Variants in GALNT13 observed in about 807,000 individuals in gnomAD.
GALNT13 encodes the protein UDP-GalNAc:polypeptide N-acetylgalactosaminyltransferase 13.
Under a neutral mutation model 64.2 loss-of-function variants are expected in GALNT13, and 28 were observed. That is an observed-to-expected ratio of 0.44 (90% CI 0.32 to 0.60). The LOEUF (loss-of-function observed/expected upper bound fraction) is 0.60, where lower values mean the gene tolerates loss of function less well. GALNT13 is among the 20% of genes least tolerant of loss of function. The pLI is 0.05. For missense variants in GALNT13, 577 were observed against 669.8 expected (o/e 0.86, Z 1.53); for synonymous variants, 214 against 224.6 (o/e 0.95, Z 0.42).
At chr2:153,549,310 A>G in the GALNT13 span, among the ~76,000 whole-genome samples, 3 of 152,238 alleles carry the variant, frequency 2.0e-5, no homozygotes, top group Non-Finnish European at 4.4e-5. Flanking sequence ...TACACAAAAT[A>G]CTTGAGAACA....
intron 3 of GALNT13, among the ~76,000 whole-genome samples, chr2:154,016,788 C>T (rs1697039284): frequency 6.6e-6 from 1 of 152,202 alleles, no homozygotes; most frequent in Non-Finnish European, 1.5e-5. Flanking sequence ...GAAAACTGAA[C>T]AACAATAATA....
the GALNT13 span, among the ~76,000 whole-genome samples, chr2:153,711,773 G>T: frequency 3.3e-5 from 5 of 152,094 alleles, no homozygotes; most frequent in Admixed American, 3.3e-4. Context: ...GTTAATAAGG[G>T]TCCATCCCCT....
At chr2:154,384,283 G>C (rs1349942514) in intron 9 of GALNT13, among the ~76,000 whole-genome samples, 2 of 151,788 alleles carry the variant, frequency 1.3e-5, no homozygotes, top group African/African-American at 2.4e-5. Context: ...CTCAAATTCT[G>C]GAAAGCGGAA....
intron 11 of GALNT13, among the ~76,000 whole-genome samples, chr2:154,421,446 A>G (rs368017464): frequency 6.6e-6 from 1 of 152,120 alleles, no homozygotes; most frequent in African/African-American, 2.4e-5. Context: ...TGCTACAAAT[A>G]TAGACGTAGT....
chr2:153,850,186 AAAAG>A, the GALNT13 span, among the ~76,000 whole-genome samples: 2 of 6,346 alleles, frequency 3.2e-4, no homozygotes, highest in Middle Eastern at 0.25. Flanking sequence ...CTAAAAAAAA[AAAAG>A]AAAAAGAAAA....
At chr2:153,852,694 A>C in the GALNT13 span, among the ~76,000 whole-genome samples, 1 of 152,216 alleles carries the variant, frequency 6.6e-6, no homozygotes, top group East Asian at 1.9e-4. Context: ...ACAGCATAAT[A>C]CACAATGTAA....
chr2:153,095,742 C>A, the GALNT13 span, among the ~76,000 whole-genome samples: 39 of 152,232 alleles, frequency 2.6e-4, no homozygotes, highest in African/African-American at 6.5e-4. Context: ...TTGTAGGGAC[C>A]TGGATGAAGC....
At chr2:154,370,320 CT>C (rs1317430091) in intron 9 of GALNT13, among the ~76,000 whole-genome samples, 1 of 152,090 alleles carries the variant, frequency 6.6e-6, no homozygotes, top group Admixed American at 6.6e-5. Flanking sequence ...ACAACAAAGT[CT>C]GATATGCGTT....
At chr2:154,128,475 A>G (rs1682421464) in intron 3 of GALNT13, among the ~76,000 whole-genome samples, 1 of 152,110 alleles carries the variant, frequency 6.6e-6, no homozygotes, top group Non-Finnish European at 1.5e-5. Context: ...AGTATTAACT[A>G]ACAGAAAATG....
At chr2:153,539,570 TAA>T in the GALNT13 span, among the ~76,000 whole-genome samples, 2 of 151,950 alleles carry the variant, frequency 1.3e-5, no homozygotes, top group Non-Finnish European at 2.9e-5. Context: ...GATTTTTGTA[TAA>T]AGTGTAAGGA....
intron 11 of GALNT13, among the ~76,000 whole-genome samples, chr2:154,420,149 G>A (rs1165057248): frequency 1.3e-5 from 2 of 151,878 alleles, no homozygotes; most frequent in African/African-American, 4.8e-5. Flanking sequence ...ACACATACAC[G>A]TAGACACAAA....
the GALNT13 span, among the ~76,000 whole-genome samples, chr2:153,587,718 G>C: frequency 6.6e-6 from 1 of 152,070 alleles, no homozygotes; most frequent in Non-Finnish European, 1.5e-5. Context: ...TCCACTGCTG[G>C]CCCCTCCCAT....
chr2:154,143,955 G>C (rs1445771893), intron 4 of GALNT13, among the ~76,000 whole-genome samples: 2 of 150,514 alleles, frequency 1.3e-5, no homozygotes, highest in African/African-American at 4.9e-5. Flanking sequence ...CTAAGTTTAT[G>C]AGTAAGTCTT....
intron 4 of GALNT13, among the ~76,000 whole-genome samples, chr2:154,229,126 CA>C (rs1040114546): frequency 6.7e-6 from 1 of 148,756 alleles, no homozygotes; most frequent in Non-Finnish European, 1.5e-5. Context: ...CATTCTTGAC[CA>C]AAAAAAAGAA....
intron 2 of GALNT13, among the ~76,000 whole-genome samples, chr2:153,933,188 C>A (rs780491335): frequency 6.6e-6 from 1 of 152,030 alleles, no homozygotes; most frequent in African/African-American, 2.4e-5. Flanking sequence ...AGTTTTCTGC[C>A]TCAATGATCT....
At chr2:153,959,917 A>C (rs1692825431) in intron 3 of GALNT13, among the ~76,000 whole-genome samples, 1 of 152,172 alleles carries the variant, frequency 6.6e-6, no homozygotes, top group African/African-American at 2.4e-5. Context: ...TGGGCCCCAC[A>C]CAAAGCAGAC....
At chr2:154,274,227 T>C (rs543378155) in intron 8 of GALNT13, among the ~76,000 whole-genome samples, 1 of 152,314 alleles carries the variant, frequency 6.6e-6, no homozygotes, top group African/African-American at 2.4e-5. Flanking sequence ...TACGAAGTTC[T>C]AGGTATCATT....
At chr2:153,970,020 A>G (rs1392916753) in intron 3 of GALNT13, among the ~76,000 whole-genome samples, 1 of 152,158 alleles carries the variant, frequency 6.6e-6, no homozygotes, top group Non-Finnish European at 1.5e-5. Context: ...TAGAGCTACC[A>G]CTTATTAGGT....
At chr2:153,068,922 G>A in the GALNT13 span, among the ~76,000 whole-genome samples, 1 of 152,168 alleles carries the variant, frequency 6.6e-6, no homozygotes, top group Non-Finnish European at 1.5e-5. Flanking sequence ...AGTTAGTGTG[G>A]CTAGCTTAGA....
Sources: allele counts gnomAD v4.1 joint callset (sites outside exome capture counted in the v4.1 genomes callset), GRCh38; gene constraint gnomAD v4.1.1; transcripts MANE v1.5; gene names NCBI Gene and HGNC (gene_info 2026-07-23, HGNC 2026-07-21).